The following ARHGAP42 variants were observed in gnomAD, a reference collection of about 807,000 sequenced individuals.
The protein encoded by ARHGAP42 is rho GTPase-activating protein 42.
A neutral mutation model predicts 125.0 loss-of-function variants in ARHGAP42; 63 were observed. That is an observed-to-expected ratio of 0.50 (90% CI 0.41 to 0.62). The LOEUF (loss-of-function observed/expected upper bound fraction) is 0.62. Among genes scored for constraint, ARHGAP42 ranks in the 20% least tolerant of loss-of-function variants. The pLI is 0.00. For synonymous variants in ARHGAP42, 339 were observed against 351.0 expected (o/e 0.97, Z 0.38); for missense variants, 766 against 1,024.2 (o/e 0.75, Z 3.44).
chr11:100,695,799 G>A (rs1212199865), intron 1 of ARHGAP42, among the ~76,000 whole-genome samples: 1 of 152,210 alleles, frequency 6.6e-6, no homozygotes, highest in Non-Finnish European at 1.5e-5. Context: ...TCTGTCAGTT[G>A]TCCCAACCTT....
chr11:100,801,960 C>T (rs543138091), intron 3 of ARHGAP42, among the ~76,000 whole-genome samples: 38 of 152,210 alleles, frequency 2.5e-4, no homozygotes, highest in East Asian at 7.7e-4. Context: ...TTAAAAAGTG[C>T]GTCTTTATTG....
intron 1 of ARHGAP42, among the ~76,000 whole-genome samples, chr11:100,728,986 C>T (rs1861911059): frequency 6.6e-6 from 1 of 151,696 alleles, no homozygotes; most frequent in Non-Finnish European, 1.5e-5. Context: ...CCAGGCTGGT[C>T]CTGAAATCCT....
intron 1 of ARHGAP42, among the ~76,000 whole-genome samples, chr11:100,756,966 C>T (rs572621813): frequency 6.6e-6 from 1 of 152,220 alleles, no homozygotes; most frequent in Admixed American, 6.5e-5. Context: ...TCATGAATCA[C>T]CCCGTAATAA....
At chr11:100,775,421 G>C (rs1863096090) in intron 2 of ARHGAP42, among the ~76,000 whole-genome samples, 1 of 152,068 alleles carries the variant, frequency 6.6e-6, no homozygotes, top group African/African-American at 2.4e-5. Context: ...AATTACACAA[G>C]TAATATGTAT....
chr11:100,954,753 G>A (rs572625784), intron 12 of ARHGAP42, among the ~76,000 whole-genome samples: 20 of 152,216 alleles, frequency 1.3e-4, no homozygotes, highest in Non-Finnish European at 5.9e-5. Flanking sequence ...GGGCAGAGCA[G>A]AATGAAAGAA....
intron 2 of ARHGAP42, among the ~76,000 whole-genome samples, chr11:100,777,172 T>A (rs943384051): frequency 6.6e-6 from 1 of 152,168 alleles, no homozygotes; most frequent in Non-Finnish European, 1.5e-5. Flanking sequence ...TAGGAGAATG[T>A]GTTGAAAGGT....
At position 100,921,607 on chromosome 11, in the gene ARHGAP42, A is replaced by G; in HGVS notation, c.597+3A>G. On this transcript the variant is annotated splice_donor_region_variant and intron_variant, in intron 6 of 23. Coordinates refer to ENST00000298815, the MANE Select transcript of ARHGAP42 (RefSeq NM_152432.4). The stretch of plus-strand genomic sequence containing the variant: ...AGAAGTTTGAATTTGTTGAACCGGT[A>G]AGTTTCAGATTTTTGTATAAATGGT... 6.6e-7 allele frequency: 1 copy of G among 1,511,154 alleles called. No individual in the cohort carries two copies. Among genetic ancestry groups the G allele is most frequent in the Non-Finnish European group, 8.9e-7 (1 of 1,119,090 alleles). 93.6% of individuals were successfully genotyped at this position (1,511,154 alleles called of 1,614,324 possible). A position where few individuals can be genotyped will look rare whatever the true frequency, so the allele number is the denominator to read the frequency against.
intron 8 of ARHGAP42, among the ~76,000 whole-genome samples, chr11:100,936,769 G>T (rs535900900): frequency 6.6e-6 from 1 of 152,172 alleles, no homozygotes; most frequent in African/African-American, 2.4e-5. Context: ...TCAAATTGGC[G>T]CTCTTTACTT....
chr11:100,796,307 G>A (rs1591187633), intron 3 of ARHGAP42, among the ~76,000 whole-genome samples: 2 of 152,122 alleles, frequency 1.3e-5, no homozygotes, highest in African/African-American at 4.8e-5. Flanking sequence ...CATAATAAAT[G>A]GTGAGTGTGT....
Position 100,989,140 on chromosome 11 carries a change from A to C in ARHGAP42, c.*339A>C, listed in dbSNP as rs1858765091. The C allele has an allele frequency of 5.0e-6, 2 of 402,496 alleles. No homozygotes were observed. Among genetic ancestry groups the C allele is most frequent in the Non-Finnish European group, 8.8e-6 (2 of 228,074 alleles). 24.9% of individuals were successfully genotyped at this position (402,496 alleles called of 1,614,324 possible). On this transcript the variant is annotated 3_prime_UTR_variant, in exon 24 of 24. Coordinates refer to ENST00000298815, the MANE Select transcript of ARHGAP42 (RefSeq NM_152432.4). Reference sequence around the variant, plus strand: ...TATCCCAGAAATTTGGAAACCAGAAATCTGCTATATGGATTTTGAGATCTG... The same window carrying C: ...TATCCCAGAAATTTGGAAACCAGAACTCTGCTATATGGATTTTGAGATCTG...
intron 3 of ARHGAP42, among the ~76,000 whole-genome samples, chr11:100,796,430 G>A (rs1315851779): frequency 6.6e-6 from 1 of 152,136 alleles, no homozygotes. Flanking sequence ...CCTTACAGTG[G>A]CCTCTAAGTG....
At chr11:100,986,039 A>C in intron 22 of ARHGAP42, 1 of 456,720 alleles carries the variant, frequency 2.2e-6, no homozygotes, top group Non-Finnish European at 4.4e-6. Flanking sequence ...AAATGAACCC[A>C]GAACATCTTT....
At position 100,748,972 on chromosome 11, in the gene ARHGAP42, CTCTGT is replaced by C. The variant is rs1862373508; in HGVS notation, c.155-21370_155-21366del. On this transcript the variant is annotated intron_variant, in intron 1 of 23. Coordinates refer to ENST00000298815, the MANE Select transcript of ARHGAP42 (RefSeq NM_152432.4). ...TTTCTCTCTGACTCCCTCTTTGTCT[CTCTGT>C]CTCTTTCTCTCTCTCTGCCTCTCTC... 4.9e-4 allele frequency among the ~76,000 whole-genome samples: 74 copies of C among 152,170 alleles called. No individual in the cohort carries two copies. In the South Asian group the frequency reaches 0.014, roughly 28 times the overall value.
intron 7 of ARHGAP42, among the ~76,000 whole-genome samples, 183 bp from the exon 8 acceptor site, chr11:100,936,020 G>GATC (rs1410159546): frequency 7.9e-5 from 12 of 152,044 alleles, no homozygotes; most frequent in Admixed American, 1.3e-4. Flanking sequence ...TGCTTGTGGG[G>GATC]ACTGAGGCAG....
intron 3 of ARHGAP42, among the ~76,000 whole-genome samples, chr11:100,858,121 G>GTGTGTGTT: frequency 6.7e-6 from 1 of 149,294 alleles, no homozygotes; most frequent in East Asian, 2.0e-4. Context: ...GTGTGTGTGT[G>GTGTGTGTT]TGTTTATGTA....
At chr11:100,730,961 T>C (rs546269665) in intron 1 of ARHGAP42, among the ~76,000 whole-genome samples, 3 of 152,322 alleles carry the variant, frequency 2.0e-5, no homozygotes, top group Admixed American at 1.3e-4. Context: ...ATGGGACCAC[T>C]ATCCTATATG....
At chr11:100,912,429 G>A (rs547570089) in intron 4 of ARHGAP42, among the ~76,000 whole-genome samples, 1 of 152,174 alleles carries the variant, frequency 6.6e-6, no homozygotes, top group South Asian at 2.1e-4. Context: ...ATCTCTGGAA[G>A]GAGAAAAATA....
intron 1 of ARHGAP42, among the ~76,000 whole-genome samples, chr11:100,735,254 T>C (rs1266018554): frequency 6.6e-6 from 1 of 152,240 alleles, no homozygotes; most frequent in Non-Finnish European, 1.5e-5. Flanking sequence ...TGGAGTTTAA[T>C]AGTGAGCCAA....
chr11:100,825,897 G>T (rs1235926837), intron 3 of ARHGAP42, among the ~76,000 whole-genome samples: 2 of 152,172 alleles, frequency 1.3e-5, no homozygotes, highest in Non-Finnish European at 2.9e-5. Flanking sequence ...TTGCTAGAAA[G>T]CTCTGTACAT....
Sources: allele counts gnomAD v4.1 joint callset (sites outside exome capture counted in the v4.1 genomes callset), GRCh38; gene constraint gnomAD v4.1.1; transcripts MANE v1.5; gene names NCBI Gene and HGNC (gene_info 2026-07-23, HGNC 2026-07-21).